RARB: variants seen among roughly 807,000 people sequenced by gnomAD.
RARB encodes the protein retinoic acid receptor beta.
RARB carries 17 observed loss-of-function variants against 51.9 expected under a neutral mutation model. The ratio of observed to expected loss-of-function variants is 0.33; its 90% CI spans 0.22 to 0.49. The LOEUF (loss-of-function observed/expected upper bound fraction) is 0.49. RARB is among the 20% of genes least tolerant of loss of function. The probability of loss-of-function intolerance (pLI) is 0.99; values close to 1 mark genes in which losing one functional copy is unlikely to be tolerated. For missense variants in RARB, 369 were observed against 550.8 expected (o/e 0.67, Z 3.30); for synonymous variants, 215 against 195.4 (o/e 1.10, Z -0.84).
chr3:25,086,160 T>C (rs1343985754), intron 3 of RARB, among the ~76,000 whole-genome samples: 4 of 152,174 alleles, frequency 2.6e-5, no homozygotes, highest in Admixed American at 1.3e-4. Context: ...CCATATCATA[T>C]CCACTCATAT....
At chr3:24,832,031 C>A (rs1483856991) in intron 1 of RARB, among the ~76,000 whole-genome samples, 3 of 152,128 alleles carry the variant, frequency 2.0e-5, no homozygotes, top group Admixed American at 2.0e-4. Context: ...CATCTTAAGA[C>A]AATCATCAGA....
chr3:24,870,135 T>C (rs748496346), intron 2 of RARB, among the ~76,000 whole-genome samples: 5 of 152,148 alleles, frequency 3.3e-5, no homozygotes, highest in African/African-American at 9.6e-5. Flanking sequence ...GTTGCAAATA[T>C]CTTCTCCCAG....
chr3:25,432,836 A>G (rs142136017), intron 1 of RARB, among the ~76,000 whole-genome samples: 1 of 152,324 alleles, frequency 6.6e-6, no homozygotes, highest in Non-Finnish European at 1.5e-5. Context: ...AAAGCTGAGA[A>G]TTTTAAGTTA....
chr3:25,449,954 G>C (rs534954014), intron 1 of RARB, among the ~76,000 whole-genome samples: 1 of 151,928 alleles, frequency 6.6e-6, no homozygotes, highest in Admixed American at 6.5e-5. Flanking sequence ...GTTTCACTAC[G>C]TTGGCCAGGC....
intron 4 of RARB, among the ~76,000 whole-genome samples, chr3:25,139,431 G>A (rs1278310166): frequency 6.6e-6 from 1 of 152,174 alleles, no homozygotes; most frequent in Non-Finnish European, 1.5e-5. Context: ...TTTTAGTGGT[G>A]TGGATAGAAG....
chr3:25,171,944 G>A (rs1664631066), intron 4 of RARB, among the ~76,000 whole-genome samples: 3 of 152,250 alleles, frequency 2.0e-5, no homozygotes, highest in East Asian at 1.9e-4. Flanking sequence ...TCTCTGAGAT[G>A]AAACCGATTC....
intron 5 of RARB, among the ~76,000 whole-genome samples, chr3:25,220,489 A>T (rs1300510117): frequency 6.6e-6 from 1 of 152,166 alleles, no homozygotes; most frequent in Admixed American, 6.5e-5. Flanking sequence ...TCAAAATTAT[A>T]ATCCCCATAA....
At chr3:25,118,113 G>A (rs1310800245) in intron 3 of RARB, among the ~76,000 whole-genome samples, 1 of 152,132 alleles carries the variant, frequency 6.6e-6, no homozygotes, top group African/African-American at 2.4e-5. Context: ...GCCTGATATT[G>A]AGACCAAAGA....
chr3:25,376,601 C>T (rs1706467961), intron 5 of RARB, among the ~76,000 whole-genome samples: 2 of 152,206 alleles, frequency 1.3e-5, no homozygotes, highest in African/African-American at 4.8e-5. Context: ...CACCTACCTA[C>T]ACAACTCCCT....
intron 2 of RARB, among the ~76,000 whole-genome samples, chr3:25,468,573 G>GTGT (rs1695548181): frequency 6.6e-6 from 1 of 151,812 alleles, no homozygotes; most frequent in Non-Finnish European, 1.5e-5. Flanking sequence ...ACACCCCACT[G>GTGT]CTTCAGCCAC....
intron 2 of RARB, among the ~76,000 whole-genome samples, chr3:25,494,918 G>T (rs1201431497): frequency 1.3e-5 from 2 of 152,244 alleles, no homozygotes; most frequent in Non-Finnish European, 2.9e-5. Context: ...TATGTGGCCA[G>T]ACTGTGCTAA....
At chr3:25,193,859 C>G (rs746738713) in intron 5 of RARB, among the ~76,000 whole-genome samples, 4 of 151,896 alleles carry the variant, frequency 2.6e-5, no homozygotes, top group African/African-American at 4.8e-5. Flanking sequence ...TACTGACACT[C>G]AGTTTCAAAA....
Position 25,428,789 on chromosome 3 carries a change from A to C in RARB, c.58A>C (p.Thr20Pro), listed in dbSNP as rs373305056. ...VSPGQILDFY[T>P]ASPSSCMLQE... The stretch of plus-strand genomic sequence containing the variant: ...TCCTGGGCAAATCCTGGATTTCTAC[A>C]CTGCGAGTCCGTCTTCCTGCATGCT... The change falls in exon 1 of 8, where the codon ACT (threonine) becomes CCT (proline). Residue 20 changes from threonine to proline, a missense_variant. Coordinates refer to ENST00000330688, the MANE Select transcript of RARB (RefSeq NM_000965.5). The C allele has an allele frequency of 2.8e-5, 46 of 1,614,086 alleles. No homozygotes were observed. The highest frequency in any genetic ancestry group is 5.3e-5 in the African/African-American group (4 of 74,936).
intron 3 of RARB, among the ~76,000 whole-genome samples, chr3:25,075,100 C>T (rs1378749645): frequency 6.6e-6 from 1 of 152,108 alleles, no homozygotes; most frequent in Non-Finnish European, 1.5e-5. Flanking sequence ...TATGCTTAGC[C>T]ATCAGGCACA....
intron 5 of RARB, among the ~76,000 whole-genome samples, chr3:25,213,203 G>A (rs1575225220): frequency 6.6e-6 from 1 of 152,148 alleles, no homozygotes; most frequent in East Asian, 1.9e-4. Flanking sequence ...CACCTGACGA[G>A]CACCTTATTT....
At chr3:24,943,000 A>G (rs1247734175) in intron 2 of RARB, among the ~76,000 whole-genome samples, 1 of 152,228 alleles carries the variant, frequency 6.6e-6, no homozygotes, top group African/African-American at 2.4e-5. Flanking sequence ...TAAGAATTGA[A>G]TGAAAAATCC....
At chr3:25,372,362 C>T (rs982929139) in intron 5 of RARB, among the ~76,000 whole-genome samples, 3 of 152,166 alleles carry the variant, frequency 2.0e-5, no homozygotes, top group African/African-American at 7.2e-5. Flanking sequence ...CAAATGGCCC[C>T]TGTGGGACAA....
intron 5 of RARB, among the ~76,000 whole-genome samples, chr3:25,284,512 T>C (rs1173479860): frequency 2.0e-5 from 3 of 152,166 alleles, no homozygotes; most frequent in Non-Finnish European, 4.4e-5. Context: ...AATATTTTTA[T>C]TACTCAAAGC....
chr3:25,229,080 C>T (rs1230885473), intron 5 of RARB, among the ~76,000 whole-genome samples: 1 of 152,108 alleles, frequency 6.6e-6, no homozygotes, highest in Non-Finnish European at 1.5e-5. Flanking sequence ...TCAAGACCTG[C>T]TAACTTACCT....
Sources: allele counts gnomAD v4.1 joint callset (sites outside exome capture counted in the v4.1 genomes callset), GRCh38; gene constraint gnomAD v4.1.1; transcripts MANE v1.5; gene names NCBI Gene and HGNC (gene_info 2026-07-23, HGNC 2026-07-21).